Variants in PDE7B observed in about 807,000 individuals in gnomAD.
The protein encoded by PDE7B is phosphodiesterase 7B.
Under a neutral mutation model 56.2 loss-of-function variants are expected in PDE7B, and 29 were observed. The observed-to-expected ratio is 0.52, with a 90% CI of 0.38 to 0.70. PDE7B has a LOEUF of 0.70. Ranked by LOEUF, PDE7B falls within the 30% of genes least tolerant of loss-of-function variation. PDE7B has a pLI of 0.00. For missense variants in PDE7B, 490 were observed against 565.0 expected (o/e 0.87, Z 1.35); for synonymous variants, 197 against 196.9 (o/e 1.00, Z 0.00).
At chr6:135,888,445 T>TAC (rs989604192) in intron 1 of PDE7B, among the ~76,000 whole-genome samples, 4 of 151,016 alleles carry the variant, frequency 2.6e-5, no homozygotes, top group African/African-American at 7.4e-5. Flanking sequence ...AAAGCTGAAA[T>TAC]ACACACGTGT....
At chr6:135,912,488 T>C (rs1406626879) in intron 1 of PDE7B, among the ~76,000 whole-genome samples, 2 of 152,128 alleles carry the variant, frequency 1.3e-5, no homozygotes, top group South Asian at 2.1e-4. Flanking sequence ...CTGCAGATTA[T>C]GGTATCTGCA....
chr6:135,948,378 T>C (rs1305908442), intron 2 of PDE7B, among the ~76,000 whole-genome samples: 1 of 152,020 alleles, frequency 6.6e-6, no homozygotes, highest in African/African-American at 2.4e-5. Context: ...AACCTTGAAC[T>C]ATATTAATAA....
chr6:135,964,929 C>T (rs929487726), intron 2 of PDE7B, among the ~76,000 whole-genome samples: 1 of 152,136 alleles, frequency 6.6e-6, no homozygotes, highest in Non-Finnish European at 1.5e-5. Flanking sequence ...ATCACCTGAG[C>T]TCAGGAGTTT....
In PDE7B at chr6:136,151,222, A is replaced by G. The variant is rs771069407; in HGVS notation, c.445A>G (p.Lys149Glu). 4.4e-6 allele frequency: 7 copies of G among 1,607,688 alleles called. No individual in the cohort carries two copies. The highest frequency in any genetic ancestry group is 4.3e-6 in the Non-Finnish European group (5 of 1,174,300). Reference protein sequence around the residue: ...FNTHGLIHHFKLDMVTLHRFL... With the variant: ...FNTHGLIHHFELDMVTLHRFL... Reference sequence around the variant, plus strand: ...TACCCATGGACTCATTCACCATTTCAAGTTAGATATGGTGACCTTACACCG... The same window carrying G: ...TACCCATGGACTCATTCACCATTTCGAGTTAGATATGGTGACCTTACACCG... The change falls in exon 6 of 13, where the codon AAG becomes GAG. Residue 149 changes from lysine (K) to glutamate (E), a missense_variant. Coordinates refer to ENST00000308191, the MANE Select transcript of PDE7B (RefSeq NM_018945.4).
At chr6:135,984,312 G>T (rs1202618789) in intron 2 of PDE7B, among the ~76,000 whole-genome samples, 2 of 151,694 alleles carry the variant, frequency 1.3e-5, no homozygotes, top group African/African-American at 2.4e-5. Flanking sequence ...TGTTTTTTTT[G>T]TTTGTTTTTA....
chr6:136,186,838 T>A (rs1260750245), intron 11 of PDE7B, among the ~76,000 whole-genome samples, 198 bp from the exon 12 acceptor site: 1 of 152,252 alleles, frequency 6.6e-6, no homozygotes, highest in Non-Finnish European at 1.5e-5. Context: ...TCATTGGCAC[T>A]GTGGTATTTT....
chr6:136,037,857 A>G, intron 2 of PDE7B: 1 of 985,396 alleles, frequency 1.0e-6, no homozygotes, highest in Non-Finnish European at 1.2e-6. Context: ...AAGAAAGAAG[A>G]GGAAAAGCAA....
chr6:135,953,354 G>A (rs1774734726), intron 2 of PDE7B, among the ~76,000 whole-genome samples: 1 of 152,064 alleles, frequency 6.6e-6, no homozygotes, highest in Non-Finnish European at 1.5e-5. Flanking sequence ...TATCAAAGTA[G>A]GCCACTGTGG....
At chr6:135,969,019 A>G (rs1309389717) in intron 2 of PDE7B, among the ~76,000 whole-genome samples, 1 of 152,196 alleles carries the variant, frequency 6.6e-6, no homozygotes, top group Non-Finnish European at 1.5e-5. Flanking sequence ...CATTATACCC[A>G]GCAAACTAAT....
chr6:136,091,279 G>A (rs1054207500), intron 2 of PDE7B, among the ~76,000 whole-genome samples: 7 of 152,316 alleles, frequency 4.6e-5, no homozygotes, highest in Middle Eastern at 3.4e-3. Flanking sequence ...AGAGTAGAAT[G>A]TTAGCCTAAT....
intron 1 of PDE7B, among the ~76,000 whole-genome samples, chr6:135,942,651 C>T (rs1774525431): frequency 6.6e-6 from 1 of 152,048 alleles, no homozygotes. Flanking sequence ...ACCCTCTAAC[C>T]TCACAACATC....
intron 1 of PDE7B, among the ~76,000 whole-genome samples, chr6:135,927,585 T>C (rs913659204): frequency 6.6e-6 from 1 of 152,202 alleles, no homozygotes; most frequent in African/African-American, 2.4e-5. Context: ...ATAATTCTCA[T>C]TGAAGAGATT....
At chr6:136,162,022 A>C (rs1388068549) in intron 8 of PDE7B, 1 of 152,132 alleles carries the variant, frequency 6.6e-6, no homozygotes, top group Admixed American at 6.5e-5. Flanking sequence ...ACTTGCCTGG[A>C]ATGTGCTTGC....
chr6:136,059,542 T>C (rs996894375), intron 2 of PDE7B, among the ~76,000 whole-genome samples: 15 of 152,164 alleles, frequency 9.9e-5, no homozygotes, highest in African/African-American at 3.6e-4. Flanking sequence ...CCGCATTTGA[T>C]TTAAGCTCAG....
intron 3 of PDE7B, among the ~76,000 whole-genome samples, chr6:136,143,700 C>T (rs1211568904): frequency 6.6e-6 from 1 of 152,026 alleles, no homozygotes; most frequent in Non-Finnish European, 1.5e-5. Flanking sequence ...ATCTCCAGCT[C>T]ATGGCATCAT....
chr6:136,079,726 CAAAAAAAAA>C (rs35447604), intron 2 of PDE7B, among the ~76,000 whole-genome samples: 1 of 94,412 alleles, frequency 1.1e-5, no homozygotes, highest in East Asian at 3.5e-4. Context: ...ATTAGGAAGA[CAAAAAAAAA>C]AAAAAAAAAA....
At chr6:135,875,328 T>C (rs1775471673) in intron 1 of PDE7B, among the ~76,000 whole-genome samples, 2 of 152,218 alleles carry the variant, frequency 1.3e-5, no homozygotes, top group South Asian at 4.1e-4. Flanking sequence ...ATATATTTTC[T>C]CTTATTGGTT....
chr6:135,880,140 C>T (rs1029119357), intron 1 of PDE7B, among the ~76,000 whole-genome samples: 2 of 152,162 alleles, frequency 1.3e-5, no homozygotes, highest in Non-Finnish European at 2.9e-5. Flanking sequence ...ACATTGCTGA[C>T]ATTCACCCCT....
chr6:136,111,841 C>T (rs997395213), intron 3 of PDE7B, among the ~76,000 whole-genome samples: 1 of 152,162 alleles, frequency 6.6e-6, no homozygotes. Flanking sequence ...AATTTTGAGT[C>T]AAGTTTTTCC....
Sources: gnomAD v4.1 joint callset for allele counts (sites outside exome capture counted in the v4.1 genomes callset) on GRCh38, gnomAD v4.1.1 for gene constraint, MANE v1.5 for transcripts, NCBI Gene and HGNC (gene_info 2026-07-23, HGNC 2026-07-21) for gene names.